The following CNTN4 variants were observed in gnomAD, a reference collection of about 807,000 sequenced individuals.
The protein encoded by CNTN4 is contactin-4.
Under a neutral mutation model 122.5 loss-of-function variants are expected in CNTN4, and 77 were observed. That is an observed-to-expected ratio of 0.63 (90% CI 0.52 to 0.76). The LOEUF (loss-of-function observed/expected upper bound fraction) is 0.76, where lower values mean the gene tolerates loss of function less well. CNTN4 is among the 30% of genes least tolerant of loss of function. The pLI is 0.00. For missense variants in CNTN4, 1,256 were observed against 1,259.1 expected (o/e 1.00, Z 0.04); for synonymous variants, 512 against 447.0 (o/e 1.15, Z -1.83).
chr3:2,553,534 C>A (rs1456362314), intron 3 of CNTN4, among the ~76,000 whole-genome samples: 1 of 151,962 alleles, frequency 6.6e-6, no homozygotes, highest in African/African-American at 2.4e-5. Context: ...CAAAAAGGAA[C>A]CTAAAGGCAT....
intron 12 of CNTN4, among the ~76,000 whole-genome samples, chr3:2,906,994 G>A (rs899990663): frequency 6.6e-6 from 1 of 152,040 alleles, no homozygotes; most frequent in Non-Finnish European, 1.5e-5. Flanking sequence ...TATATTTCAG[G>A]TAAATTGAAG....
At chr3:2,452,301 A>G (rs770519610) in intron 3 of CNTN4, among the ~76,000 whole-genome samples, 3 of 152,166 alleles carry the variant, frequency 2.0e-5, no homozygotes, top group African/African-American at 7.2e-5. Flanking sequence ...CCAGCAATAT[A>G]TAAAGTTGAT....
At chr3:2,118,328 A>G (rs766502809) in intron 2 of CNTN4, among the ~76,000 whole-genome samples, 9 of 152,228 alleles carry the variant, frequency 5.9e-5, no homozygotes, top group Non-Finnish European at 1.2e-4. Context: ...AATCCTGGTT[A>G]AGACAGAGGC....
At chr3:2,146,339 T>G (rs1200083781) in intron 2 of CNTN4, among the ~76,000 whole-genome samples, 1 of 151,792 alleles carries the variant, frequency 6.6e-6, no homozygotes, top group Non-Finnish European at 1.5e-5. Context: ...TTTCTAAAGG[T>G]AACCTGAGTA....
At chr3:2,185,433 T>C (rs1026911454) in intron 2 of CNTN4, among the ~76,000 whole-genome samples, 4 of 152,158 alleles carry the variant, frequency 2.6e-5, no homozygotes, top group African/African-American at 7.2e-5. Context: ...TCTAAATTAG[T>C]ATCCCAGATC....
chr3:2,138,802 C>T (rs1430329539), intron 2 of CNTN4, among the ~76,000 whole-genome samples: 2 of 152,110 alleles, frequency 1.3e-5, no homozygotes, highest in East Asian at 1.9e-4. Context: ...GATTTTGGAA[C>T]TTCTCAGTCT....
intron 3 of CNTN4, among the ~76,000 whole-genome samples, chr3:2,487,695 A>G (rs1464061811): frequency 6.6e-6 from 1 of 152,226 alleles, no homozygotes; most frequent in African/African-American, 2.4e-5. Flanking sequence ...CTTTGGCTAG[A>G]TACTACATTG....
In CNTN4 at chr3:2,370,218, T is replaced by A. The variant is rs140830096; in HGVS notation, c.-89+30985T>A. On this transcript the variant is annotated intron_variant, in intron 3 of 24. Coordinates refer to ENST00000418658, the MANE Select transcript of CNTN4 (RefSeq NM_175607.3). ...TAAAGGCCCCATGTCACAAAATTTA[T>A]CTCTGATATTTAATATCTTTGAAAG... Among the ~76,000 whole-genome samples, 16 of 152,322 alleles carry A rather than the reference T, an allele frequency of 1.1e-4. No homozygotes were observed. The East Asian group carries it at 3.1e-3, about 29-fold the overall frequency.
intron 4 of CNTN4, among the ~76,000 whole-genome samples, chr3:2,595,328 G>A (rs965560870): frequency 6.6e-6 from 1 of 152,166 alleles, no homozygotes; most frequent in African/African-American, 2.4e-5. Flanking sequence ...GAGTCTGCAT[G>A]TATTAATAGA....
chr3:2,342,336 G>T (rs2044239753), intron 3 of CNTN4, among the ~76,000 whole-genome samples: 1 of 152,106 alleles, frequency 6.6e-6, no homozygotes, highest in South Asian at 2.1e-4. Context: ...TCTTTTTCTG[G>T]ATTGGTACAA....
intron 3 of CNTN4, among the ~76,000 whole-genome samples, chr3:2,421,376 C>T (rs12630118): frequency 0.92 from 139,270 of 151,658 alleles, 63,966 homozygotes; most frequent in East Asian, 0.98. Flanking sequence ...CTCAGCCTCC[C>T]GAGTAGCTGG....
intron 2 of CNTN4, among the ~76,000 whole-genome samples, chr3:2,139,165 T>C (rs900836735): frequency 1.3e-5 from 2 of 152,188 alleles, no homozygotes; most frequent in African/African-American, 4.8e-5. Context: ...TCCTGGTTTG[T>C]AGTCCCCTTA....
intron 3 of CNTN4, among the ~76,000 whole-genome samples, chr3:2,479,074 T>C (rs1008163642): frequency 3.3e-5 from 5 of 152,174 alleles, no homozygotes; most frequent in Non-Finnish European, 1.5e-5. Flanking sequence ...GCTCATTCTT[T>C]CCATCTTTCT....
chr3:2,957,682 C>G (rs2094814373), intron 13 of CNTN4, among the ~76,000 whole-genome samples: 1 of 152,082 alleles, frequency 6.6e-6, no homozygotes, highest in East Asian at 1.9e-4. Flanking sequence ...CTAATAAGAA[C>G]ATGTGGTGTT....
chr3:2,099,819 A>G (rs1329547070), intron 1 of CNTN4: 1 of 152,074 alleles, frequency 6.6e-6, no homozygotes, highest in East Asian at 1.9e-4. Context: ...ACCCCAATCC[A>G]CTCACTCTCC....
chr3:2,133,279 A>C (rs1218405352), intron 2 of CNTN4, among the ~76,000 whole-genome samples: 2 of 152,196 alleles, frequency 1.3e-5, no homozygotes, highest in Non-Finnish European at 2.9e-5. Context: ...TTTAGAATCA[A>C]AGGGCATTTT....
At position 2,973,953 on chromosome 3, in the gene CNTN4, C is replaced by T. The variant is rs115960402; in HGVS notation, c.1359-14392C>T. On this transcript the variant is annotated intron_variant, in intron 13 of 24. Transcript: ENST00000418658. ...TGTTTCACAAGGTACAAGATTGGCA[C>T]TTCTCCAAGTACTCAGATCATCTTG... Among the ~76,000 whole-genome samples, 667 of 152,286 alleles carry T rather than the reference C, an allele frequency of 4.4e-3. 9 individuals carry two copies. The highest frequency in any genetic ancestry group is 0.015 in the African/African-American group (635 of 41,566).
chr3:2,601,198 T>C (rs2081029210), intron 4 of CNTN4, among the ~76,000 whole-genome samples: 1 of 152,186 alleles, frequency 6.6e-6, no homozygotes, highest in Admixed American at 6.5e-5. Context: ...AGAAGCTCTT[T>C]AGTTTAATTA....
At chr3:2,406,899 C>T (rs578190691) in intron 3 of CNTN4, among the ~76,000 whole-genome samples, 1 of 152,284 alleles carries the variant, frequency 6.6e-6, no homozygotes, top group Non-Finnish European at 1.5e-5. Context: ...GATGCACTTA[C>T]TGTGAATCTT....
Sources: gnomAD v4.1 joint callset for allele counts (sites outside exome capture counted in the v4.1 genomes callset) on GRCh38, gnomAD v4.1.1 for gene constraint, MANE v1.5 for transcripts, NCBI Gene and HGNC (gene_info 2026-07-23, HGNC 2026-07-21) for gene names.